The following PHACTR1 variants were observed in gnomAD, a reference collection of about 807,000 sequenced individuals.
PHACTR1 encodes the protein phosphatase and actin regulator 1, also known as RPEL repeat containing 1.
A neutral mutation model predicts 69.2 loss-of-function variants in PHACTR1; 16 were observed. The observed-to-expected ratio is 0.23, with a 90% CI of 0.16 to 0.35. PHACTR1 has a LOEUF of 0.35. Among genes scored for constraint, PHACTR1 ranks in the 10% least tolerant of loss-of-function variants. The probability of loss-of-function intolerance (pLI) is 1.00; values close to 1 mark genes in which losing one functional copy is unlikely to be tolerated. For missense variants in PHACTR1, 510 were observed against 734.7 expected, an observed-to-expected ratio of 0.69 and a Z score of 3.54; for synonymous variants, 312 against 284.5, an observed-to-expected ratio of 1.10 and a Z score of -0.97.
chr6:12,791,665 G>A (rs977153214), intron 4 of PHACTR1, among the ~76,000 whole-genome samples: 4 of 152,226 alleles, frequency 2.6e-5, no homozygotes, highest in African/African-American at 9.6e-5. Flanking sequence ...ATATAGTAAT[G>A]CACCAACTTT....
In PHACTR1 at chr6:12,928,943, A is replaced by T. The variant is rs536883651; in HGVS notation, c.251-124422A>T. Among the ~76,000 whole-genome samples, 9 of 152,350 alleles carry T rather than the reference A, an allele frequency of 5.9e-5. No individual in the cohort carries two copies. In the East Asian group the frequency reaches 1.2e-3, roughly 20 times the overall value. On this transcript the variant is annotated intron_variant, in intron 4 of 14. Coordinates refer to ENST00000332995, the MANE Select transcript of PHACTR1 (RefSeq NM_030948.6). ...TCAGGAAAAAGCTCCTTAAATCAGA[A>T]TGTCTGAGTGTCGGAGCAAGGCATT...
chr6:12,981,734 G>A (rs1161823013), intron 4 of PHACTR1, among the ~76,000 whole-genome samples: 1 of 152,128 alleles, frequency 6.6e-6, no homozygotes, highest in African/African-American at 2.4e-5. Flanking sequence ...TGAACTACAA[G>A]GAAGAAAACT....
intron 4 of PHACTR1, among the ~76,000 whole-genome samples, chr6:12,909,156 AT>A (rs943751500): frequency 7.2e-5 from 11 of 151,838 alleles, no homozygotes; most frequent in African/African-American, 1.9e-4. Flanking sequence ...TAAAAACAAA[AT>A]TTTTTTTCTT....
chr6:13,057,307 CA>C (rs1233849203), intron 5 of PHACTR1, among the ~76,000 whole-genome samples: 1 of 152,182 alleles, frequency 6.6e-6, no homozygotes, highest in Non-Finnish European at 1.5e-5. Flanking sequence ...AAAAGGGGTT[CA>C]GGGGAGGCTG....
chr6:13,226,983 G>T lies in PHACTR1; in HGVS notation c.987-833G>T, dbSNP rs1769862106. Among the ~76,000 whole-genome samples, 3 of 152,246 alleles carry T rather than the reference G, an allele frequency of 2.0e-5. No individual in the cohort carries two copies. The South Asian group carries it at 6.2e-4, about 32-fold the overall frequency. ...GATCTCTTGACCCCGTGATCCACCT[G>T]CCTCGGCCTCCCAAAGTGCTGAGAT... On this transcript the variant is annotated intron_variant, in intron 8 of 14. Transcript: ENST00000332995.
intron 6 of PHACTR1, among the ~76,000 whole-genome samples, chr6:13,174,583 A>G (rs1761066498): frequency 6.6e-6 from 1 of 152,270 alleles, no homozygotes; most frequent in South Asian, 2.1e-4. Context: ...TTCTACAAGA[A>G]CTAACAGTTA....
intron 4 of PHACTR1, among the ~76,000 whole-genome samples, chr6:12,909,548 C>T (rs1030432176): frequency 2.0e-5 from 3 of 152,178 alleles, no homozygotes; most frequent in South Asian, 4.1e-4. Flanking sequence ...GAGCCGGATG[C>T]GGTGTCTTCA....
intron 4 of PHACTR1, among the ~76,000 whole-genome samples, chr6:12,781,212 T>A (rs867089793): frequency 1.4e-4 from 21 of 152,196 alleles, no homozygotes; most frequent in African/African-American, 5.1e-4. Flanking sequence ...CATCCCCTGC[T>A]GAGCTTCTCC....
intron 4 of PHACTR1, among the ~76,000 whole-genome samples, chr6:12,981,518 C>T (rs549715512): frequency 2.0e-5 from 3 of 152,178 alleles, no homozygotes; most frequent in Admixed American, 6.5e-5. Flanking sequence ...ATCGTGCTTA[C>T]GTAGGAAAAA....
intron 7 of PHACTR1, among the ~76,000 whole-genome samples, chr6:13,198,042 C>T (rs896987582): frequency 1.3e-5 from 2 of 152,194 alleles, no homozygotes; most frequent in Non-Finnish European, 2.9e-5. Context: ...GACTCGCAGA[C>T]CTTTAATACA....
chr6:13,140,083 T>C (rs1822196902), intron 5 of PHACTR1, among the ~76,000 whole-genome samples: 1 of 152,192 alleles, frequency 6.6e-6, no homozygotes, highest in Non-Finnish European at 1.5e-5. Flanking sequence ...TTTTGACATA[T>C]TAAAACTAAG....
rs891965370 is a variant in PHACTR1 at position 12,735,097 on chromosome 6, G to A, written c.104-14547G>A. 5.3e-5 allele frequency among the ~76,000 whole-genome samples: 8 copies of A among 152,150 alleles called. No homozygotes were observed. The South Asian group carries it at 6.2e-4, about 12-fold the overall frequency. On this transcript the variant is annotated intron_variant, in intron 3 of 14. Transcript: ENST00000332995. ...GTTTAGGGTCTGAGGTGACAGTCAC[G>A]AGGTTGGCTGGGGCTGTAGTTAGCT...
At chr6:13,209,458 C>T (rs1383721207) in intron 8 of PHACTR1, among the ~76,000 whole-genome samples, 1 of 152,228 alleles carries the variant, frequency 6.6e-6, no homozygotes, top group Non-Finnish European at 1.5e-5. Context: ...CTTGGACCGA[C>T]CCCCTGTTTG....
intron 4 of PHACTR1, among the ~76,000 whole-genome samples, chr6:12,773,257 G>A (rs1212660267): frequency 3.3e-5 from 5 of 152,136 alleles, no homozygotes; most frequent in Non-Finnish European, 7.4e-5. Context: ...TTTATTTGAT[G>A]CCAGGATTTC....
intron 6 of PHACTR1, among the ~76,000 whole-genome samples, chr6:13,166,277 T>C (rs946000883): frequency 3.9e-5 from 6 of 152,220 alleles, no homozygotes; most frequent in Admixed American, 1.3e-4. Flanking sequence ...CTTCCTTTTT[T>C]CTTCTATCTC....
chr6:13,048,858 T>C lies in PHACTR1; in HGVS notation c.251-4507T>C, dbSNP rs561326869. On this transcript the variant is annotated intron_variant, in intron 4 of 14. Transcript: ENST00000332995. ...TCCCTTCCTTTTCAAACTGTGTTCA[T>C]AAGTTGGCTCACTCTTGAGCCATCC... Among the ~76,000 whole-genome samples, 8 of 152,316 alleles carry C rather than the reference T, an allele frequency of 5.3e-5. No homozygotes were observed. The South Asian group carries it at 1.7e-3, about 32-fold the overall frequency.
In PHACTR1 at chr6:13,160,230, C is replaced by T. The variant is rs1322836970; in HGVS notation, c.442C>T (p.Gln148Ter). 1.2e-6 allele frequency: 2 copies of T among 1,613,560 alleles called. No individual in the cohort carries two copies. The highest frequency in any genetic ancestry group is 1.3e-5 in the African/African-American group (1 of 74,902). ...CCTGGAAAGGAAAATATCTATGAGG[C>T]AAAGCAGAGAAGAGCTGATAAAGCG... ...AALERKISMRQSREELIKRGV... is the reference protein window; with the variant it reads ...AALERKISMR The change falls in exon 6 of 15, where the codon CAA becomes TAA. Residue 148 changes from glutamine to a stop codon, truncating the protein, a stop_gained. Transcript: ENST00000332995. LOFTEE classifies it high-confidence loss of function.
At chr6:13,168,165 G>T (rs1200294101) in intron 6 of PHACTR1, among the ~76,000 whole-genome samples, 1 of 152,170 alleles carries the variant, frequency 6.6e-6, no homozygotes, top group African/African-American at 2.4e-5. Context: ...AAAATGAAAA[G>T]AGTGTTTACT....
At chr6:12,793,469 T>G (rs1772588418) in intron 4 of PHACTR1, among the ~76,000 whole-genome samples, 1 of 152,204 alleles carries the variant, frequency 6.6e-6, no homozygotes, top group South Asian at 2.1e-4. Flanking sequence ...AAAGGAAAAT[T>G]TAATAAATGA....
Sources: allele counts gnomAD v4.1 joint callset (sites outside exome capture counted in the v4.1 genomes callset), GRCh38; gene constraint gnomAD v4.1.1; transcripts MANE v1.5; gene names NCBI Gene and HGNC (gene_info 2026-07-23, HGNC 2026-07-21).